Variants in TBC1D5 observed in about 807,000 individuals in gnomAD.
TBC1D5 encodes TBC1 domain family member 5.
TBC1D5 carries 75 observed loss-of-function variants against 100.3 expected under a neutral mutation model. The ratio of observed to expected loss-of-function variants is 0.75; its 90% CI spans 0.62 to 0.91. The LOEUF (loss-of-function observed/expected upper bound fraction) is 0.91. TBC1D5 is among the 40% of genes least tolerant of loss of function. The pLI, the probability that TBC1D5 is intolerant of heterozygous loss-of-function variation, is 0.00. For synonymous variants in TBC1D5, 323 were observed against 325.6 expected (o/e 0.99, Z 0.09); for missense variants, 910 against 942.4 (o/e 0.97, Z 0.45).
At chr3:17,404,217 A>G (rs1050248044) in intron 7 of TBC1D5, among the ~76,000 whole-genome samples, 2 of 152,102 alleles carry the variant, frequency 1.3e-5, no homozygotes, top group African/African-American at 4.8e-5. Context: ...ATATCTTTAA[A>G]GTAGTAATCC....
chr3:17,159,107 A>G (rs571175256), exon 22 of TBC1D5: 6 of 152,364 alleles, frequency 3.9e-5, no homozygotes, highest in African/African-American at 1.2e-4. Flanking sequence ...GCCAGAAGCC[A>G]GGGAGCTACT....
chr3:17,538,281 G>A (rs2096305725), intron 2 of TBC1D5, among the ~76,000 whole-genome samples: 1 of 152,046 alleles, frequency 6.6e-6, no homozygotes, highest in African/African-American at 2.4e-5. Flanking sequence ...GAAAACACTC[G>A]GTGCTGGTGT....
At chr3:17,719,208 A>G (rs1158126628) in intron 1 of TBC1D5, among the ~76,000 whole-genome samples, 2 of 152,174 alleles carry the variant, frequency 1.3e-5, no homozygotes, top group South Asian at 2.1e-4. Context: ...CCATCAACTA[A>G]TAACACTGGT....
At chr3:17,674,359 G>C (rs1192705028) in intron 1 of TBC1D5, among the ~76,000 whole-genome samples, 4 of 152,250 alleles carry the variant, frequency 2.6e-5, no homozygotes, top group Non-Finnish European at 4.4e-5. Flanking sequence ...TTGTCACCAT[G>C]AAGAAAATAT....
chr3:17,384,091 C>T (rs917746608), intron 8 of TBC1D5, 76 bp from the exon 9 acceptor site: 28 of 1,298,294 alleles, frequency 2.2e-5, no homozygotes, highest in Non-Finnish European at 2.4e-5. Flanking sequence ...ATCTCGAAGA[C>T]GTGCCAAGGG....
At chr3:17,562,672 G>A (rs2096567241) in intron 2 of TBC1D5, among the ~76,000 whole-genome samples, 1 of 152,146 alleles carries the variant, frequency 6.6e-6, no homozygotes, top group Admixed American at 6.5e-5. Context: ...AACAGTCTTG[G>A]TGCATTGTGA....
intron 14 of TBC1D5, among the ~76,000 whole-genome samples, chr3:17,294,589 T>C (rs115941200): frequency 3.3e-5 from 5 of 152,358 alleles, no homozygotes; most frequent in Non-Finnish European, 7.4e-5. Context: ...TGTATTAATA[T>C]TCTACTTGCA....
At chr3:17,244,060 A>T (rs2076526410) in intron 16 of TBC1D5, among the ~76,000 whole-genome samples, 1 of 152,208 alleles carries the variant, frequency 6.6e-6, no homozygotes, top group South Asian at 2.1e-4. Flanking sequence ...GTGGCTTAGA[A>T]ATGAGATGAG....
chr3:17,693,338 C>G (rs999174757), intron 1 of TBC1D5, among the ~76,000 whole-genome samples: 8 of 152,198 alleles, frequency 5.3e-5, no homozygotes, highest in Admixed American at 5.2e-4. Flanking sequence ...CCAAGGGAAG[C>G]CGTGACAGAC....
At chr3:17,338,261 T>C (rs1192944064) in intron 13 of TBC1D5, among the ~76,000 whole-genome samples, 2 of 152,206 alleles carry the variant, frequency 1.3e-5, no homozygotes, top group South Asian at 2.1e-4. Context: ...TTTAGAACCA[T>C]GTAAGATGAC....
chr3:17,378,758 T>C (rs1441215498), intron 9 of TBC1D5, among the ~76,000 whole-genome samples: 1 of 147,992 alleles, frequency 6.8e-6, no homozygotes, highest in African/African-American at 2.4e-5. Flanking sequence ...TAGGAAAGAA[T>C]ACAGTTTCCT....
At chr3:17,668,186 T>C (rs1254324407) in intron 1 of TBC1D5, among the ~76,000 whole-genome samples, 1 of 148,926 alleles carries the variant, frequency 6.7e-6, no homozygotes, top group Admixed American at 6.7e-5. Flanking sequence ...TATATATATA[T>C]CTTAAATCTC....
chr3:17,607,890 T>C (rs570586621), intron 2 of TBC1D5, among the ~76,000 whole-genome samples: 39 of 152,134 alleles, frequency 2.6e-4, no homozygotes, highest in Non-Finnish European at 4.0e-4. Context: ...TATTCTGACA[T>C]TCAACACCAC....
intron 13 of TBC1D5, among the ~76,000 whole-genome samples, chr3:17,347,853 A>G (rs1257008471): frequency 6.6e-6 from 1 of 152,146 alleles, no homozygotes; most frequent in East Asian, 1.9e-4. Context: ...CAACAAAAAA[A>G]TTAGTCAGGT....
chr3:17,663,268 T>TTAAAATGG (rs1560408153), intron 1 of TBC1D5, among the ~76,000 whole-genome samples: 4 of 151,138 alleles, frequency 2.6e-5, no homozygotes, highest in Non-Finnish European at 4.4e-5. Context: ...TACATAAAAA[T>TTAAAATGG]TTATATGACC....
At chr3:17,633,550 T>A (rs1396030332) in intron 1 of TBC1D5, among the ~76,000 whole-genome samples, 2 of 151,988 alleles carry the variant, frequency 1.3e-5, no homozygotes, top group East Asian at 1.9e-4. Flanking sequence ...GAAAAAAAAA[T>A]AATAATGCTG....
intron 2 of TBC1D5, among the ~76,000 whole-genome samples, chr3:17,609,343 T>G (rs370199224): frequency 6.6e-6 from 1 of 152,180 alleles, no homozygotes; most frequent in Non-Finnish European, 1.5e-5. Context: ...CTTTTAGAAT[T>G]ACAAAAAATG....
At chr3:17,355,118 T>C (rs1239287338) in intron 13 of TBC1D5, among the ~76,000 whole-genome samples, 1 of 152,150 alleles carries the variant, frequency 6.6e-6, no homozygotes, top group Non-Finnish European at 1.5e-5. Flanking sequence ...TGTTTTCTTA[T>C]AATAAGCCAA....
In TBC1D5 at chr3:17,296,559, T is replaced by C. The variant is rs75822346; in HGVS notation, c.1139-4558A>G. Among the ~76,000 whole-genome samples the C allele has an allele frequency of 5.5e-4, 84 of 152,266 alleles. 2 individuals are homozygous for C. The East Asian group carries it at 0.015, about 27-fold the overall frequency. On this transcript the variant is annotated intron_variant, in intron 14 of 21. Transcript: ENST00000253692. ...GGGAGGCTGGGGTACAAAACATAAA[T>C]AGAAACAACAAAATTTTACTCTCTT...
Sources: allele counts gnomAD v4.1 joint callset (sites outside exome capture counted in the v4.1 genomes callset), GRCh38; gene constraint gnomAD v4.1.1; transcripts MANE v1.5; gene names NCBI Gene and HGNC (gene_info 2026-07-23, HGNC 2026-07-21).